Variants in GTF2F2 observed in about 807,000 individuals in gnomAD.
GTF2F2 encodes general transcription factor IIF subunit 2, also known as ATP-dependent helicase GTF2F2.
A neutral mutation model predicts 42.2 loss-of-function variants in GTF2F2; 23 were observed. The observed-to-expected ratio is 0.55, with a 90% CI of 0.39 to 0.77. The LOEUF is 0.77. Among genes scored for constraint, GTF2F2 ranks in the 30% least tolerant of loss-of-function variants. The pLI, the probability that GTF2F2 is intolerant of heterozygous loss-of-function variation, is 0.00. For missense variants in GTF2F2, 261 were observed against 287.2 expected (o/e 0.91, Z 0.66); for synonymous variants, 105 against 100.8 (o/e 1.04, Z -0.25).
chr13:45,155,103 G>A (rs563595430), intron 4 of GTF2F2, among the ~76,000 whole-genome samples: 3 of 152,290 alleles, frequency 2.0e-5, no homozygotes, highest in Non-Finnish European at 2.9e-5. Context: ...GTATATGTGC[G>A]TTCTTTTCTA....
intron 5 of GTF2F2, among the ~76,000 whole-genome samples, chr13:45,224,981 G>C (rs543114738): frequency 7.2e-5 from 11 of 152,142 alleles, no homozygotes; most frequent in Non-Finnish European, 1.5e-4. Flanking sequence ...TGTATTTATG[G>C]GGCTTAGTAC....
intron 4 of GTF2F2, among the ~76,000 whole-genome samples, chr13:45,181,173 CA>C (rs796598856): frequency 2.4e-5 from 2 of 82,308 alleles, no homozygotes; most frequent in African/African-American, 1.1e-4. Context: ...TCTCAAAAGA[CA>C]AAAAAACAAA....
rs550642037 is a variant in GTF2F2 at position 45,164,205 on chromosome 13, A to G, written c.304+12374A>G. ...TGAGGCACGAGAATCACTTGAACCC[A>G]GGAAGTGGAGGTTGCAGCGAGCCAG... On this transcript the variant is annotated intron_variant, in intron 4 of 7. Coordinates refer to ENST00000340473, the MANE Select transcript of GTF2F2 (RefSeq NM_004128.3). Among the ~76,000 whole-genome samples the G allele has an allele frequency of 4.6e-5, 7 of 152,068 alleles. No individual in the cohort carries two copies. The East Asian group carries it at 1.4e-3, about 29-fold the overall frequency.
intron 5 of GTF2F2, among the ~76,000 whole-genome samples, chr13:45,215,772 A>G (rs950457467): frequency 6.6e-6 from 1 of 151,228 alleles, no homozygotes; most frequent in East Asian, 2.0e-4. Context: ...AAAAAAAAAA[A>G]GACTAAAACT....
At chr13:45,252,142 G>C (rs930064167) in intron 5 of GTF2F2, among the ~76,000 whole-genome samples, 2 of 152,042 alleles carry the variant, frequency 1.3e-5, no homozygotes, top group Non-Finnish European at 2.9e-5. Flanking sequence ...GCAGTGTTTT[G>C]AGTTATATTT....
chr13:45,234,090 AT>A (rs963992920), intron 5 of GTF2F2, among the ~76,000 whole-genome samples: 1 of 152,250 alleles, frequency 6.6e-6, no homozygotes. Flanking sequence ...GCTTAAAAAA[AT>A]AAAACAGATT....
chr13:45,155,169 G>C (rs1049197175), intron 4 of GTF2F2, among the ~76,000 whole-genome samples: 4 of 152,174 alleles, frequency 2.6e-5, no homozygotes, highest in African/African-American at 9.7e-5. Flanking sequence ...GCCCAGAAAA[G>C]CTACAGAACC....
rs186070777 is a variant in GTF2F2 at position 45,233,529 on chromosome 13, T to C, written c.387-19342T>C. Among the ~76,000 whole-genome samples the C allele has an allele frequency of 5.4e-3, 824 of 152,356 alleles. 3 individuals are homozygous for C. The highest frequency in any genetic ancestry group is 9.4e-3 in the Non-Finnish European group (642 of 68,034). On this transcript the variant is annotated intron_variant, in intron 5 of 7. Transcript: ENST00000340473. ...GAGCATATCACTGTAGACTGTTCCA[T>C]GGACACAGATTTTGCCCTTGCCTCA...
At chr13:45,282,044 C>T (rs1877288781) in intron 7 of GTF2F2, among the ~76,000 whole-genome samples, 1 of 151,962 alleles carries the variant, frequency 6.6e-6, no homozygotes, top group South Asian at 2.1e-4. Context: ...ACTAAAAATA[C>T]AAAAAATTTA....
At chr13:45,220,234 G>C (rs1456693393) in intron 5 of GTF2F2, among the ~76,000 whole-genome samples, 2 of 152,126 alleles carry the variant, frequency 1.3e-5, no homozygotes, top group Admixed American at 1.3e-4. Context: ...ATGCCAAGTT[G>C]ATTTATCTGC....
chr13:45,144,253 C>CA (rs202040469), intron 2 of GTF2F2, among the ~76,000 whole-genome samples: 11 of 148,162 alleles, frequency 7.4e-5, no homozygotes, highest in Non-Finnish European at 9.0e-5. Context: ...AACTCAGTCT[C>CA]AAAAAAAAAA....
At chr13:45,255,325 G>A (rs1212290135) in intron 6 of GTF2F2, among the ~76,000 whole-genome samples, 2 of 152,138 alleles carry the variant, frequency 1.3e-5, no homozygotes, top group African/African-American at 2.4e-5. Flanking sequence ...TCTTAAATGA[G>A]TGGAACAATG....
chr13:45,209,747 T>C (rs1021825416), intron 5 of GTF2F2, among the ~76,000 whole-genome samples: 1 of 152,190 alleles, frequency 6.6e-6, no homozygotes, highest in African/African-American at 2.4e-5. Context: ...ATTTCAAATA[T>C]GTAAAAAACT....
chr13:45,212,751 T>G (rs1023976055), intron 5 of GTF2F2, among the ~76,000 whole-genome samples: 5 of 151,798 alleles, frequency 3.3e-5, no homozygotes, highest in African/African-American at 9.7e-5. Context: ...GTTTCTTTTT[T>G]TTGTTGTTGA....
chr13:45,180,091 T>C (rs140697417), intron 4 of GTF2F2, among the ~76,000 whole-genome samples: 10 of 152,318 alleles, frequency 6.6e-5, no homozygotes, highest in African/African-American at 2.4e-4. Flanking sequence ...ATCCTCAAAA[T>C]AACGTCTCAT....
At chr13:45,227,600 T>G (rs1874422928) in intron 5 of GTF2F2, among the ~76,000 whole-genome samples, 1 of 152,244 alleles carries the variant, frequency 6.6e-6, no homozygotes, top group South Asian at 2.1e-4. Flanking sequence ...TAGTCTTGCC[T>G]TTATTTGCTT....
rs1158010068 is a variant in GTF2F2 at position 45,191,215 on chromosome 13, CAA to C, written c.305-16200_305-16199del. On this transcript the variant is annotated intron_variant, in intron 4 of 7. Transcript: ENST00000340473. ...TGAAACCCCGTCTCTACTAAAAATA[CAA>C]AAAAAAAATATATATATATATATAT... Among the ~76,000 whole-genome samples, 252 of 74,802 alleles carry C rather than the reference CAA, an allele frequency of 3.4e-3. 5 individuals carry two copies. Among genetic ancestry groups the C allele is most frequent in the East Asian group, 9.8e-3 (36 of 3,670 alleles). The allele number at this position is 74,802 out of a possible 152,430, so 49.1% of individuals were successfully genotyped here. A position where few individuals can be genotyped will look rare whatever the true frequency, so the allele number is the denominator to read the frequency against.
intron 4 of GTF2F2, among the ~76,000 whole-genome samples, chr13:45,160,097 T>C (rs1870962270): frequency 6.6e-6 from 1 of 152,236 alleles, no homozygotes; most frequent in Non-Finnish European, 1.5e-5. Context: ...TTAAACTTTT[T>C]GGTCTCAGGG....
chr13:45,245,288 T>C (rs927634162), intron 5 of GTF2F2, among the ~76,000 whole-genome samples: 1 of 151,638 alleles, frequency 6.6e-6, no homozygotes, highest in Non-Finnish European at 1.5e-5. Context: ...CCAGTTATTC[T>C]TTAAAATTTT....
Sources: allele counts gnomAD v4.1 joint callset (sites outside exome capture counted in the v4.1 genomes callset), GRCh38; gene constraint gnomAD v4.1.1; transcripts MANE v1.5; gene names NCBI Gene and HGNC (gene_info 2026-07-23, HGNC 2026-07-21).